The following SLC25A48 variants were observed in gnomAD, a reference collection of about 807,000 sequenced individuals.
The protein encoded by SLC25A48 is solute carrier family 25 member 48.
A neutral mutation model predicts 32.2 loss-of-function variants in SLC25A48; 29 were observed. That is an observed-to-expected ratio of 0.90 (90% CI 0.67 to 1.23). SLC25A48 has a LOEUF of 1.23. Ranked by LOEUF, SLC25A48 falls within the 50% of genes most tolerant of loss-of-function variation. SLC25A48 has a pLI of 0.00. For synonymous variants in SLC25A48, 164 were observed against 172.3 expected (o/e 0.95, Z 0.38); for missense variants, 399 against 422.7 (o/e 0.94, Z 0.49).
At chr5:135,835,123 TAA>T (rs1199647204) in intron 1 of SLC25A48, 1 of 704,462 alleles carries the variant, frequency 1.4e-6, no homozygotes, top group South Asian at 1.5e-5. Flanking sequence ...ATTTGCTCAT[TAA>T]GTTAGGATCC....
chr5:135,814,145 G>A (rs1757657701), intron 4 of SLC25A48, among the ~76,000 whole-genome samples: 1 of 152,158 alleles, frequency 6.6e-6, no homozygotes, highest in African/African-American at 2.4e-5. Context: ...ACTTCTCACT[G>A]AGCTGAGGGT....
chr5:135,689,280 G>A (rs1442687982), intron 3 of SLC25A48, among the ~76,000 whole-genome samples: 1 of 152,164 alleles, frequency 6.6e-6, no homozygotes, highest in African/African-American at 2.4e-5. Context: ...TACAGGCACA[G>A]GCACTCTCTT....
chr5:135,761,656 G>A (rs1294792103), intron 3 of SLC25A48, among the ~76,000 whole-genome samples: 3 of 152,118 alleles, frequency 2.0e-5, no homozygotes, highest in African/African-American at 2.4e-5. Context: ...GAGGCCTCTC[G>A]TCCATCACCA....
At chr5:135,844,856 G>A (rs535140369) in intron 2 of SLC25A48, among the ~76,000 whole-genome samples, 3 of 152,306 alleles carry the variant, frequency 2.0e-5, no homozygotes, top group African/African-American at 7.2e-5. Context: ...GGCATGCTCA[G>A]TCCCTGACCA....
intron 7 of SLC25A48, chr5:135,883,252 A>AG (rs1213092828): frequency 1.0e-6 from 1 of 985,336 alleles, no homozygotes; most frequent in African/African-American, 1.7e-5. Flanking sequence ...TCTGCCTTGG[A>AG]GGGATTCAAC....
intron 7 of SLC25A48, chr5:135,883,072 C>T: frequency 1.0e-6 from 1 of 985,444 alleles, no homozygotes; most frequent in Non-Finnish European, 1.2e-6. Flanking sequence ...GGTCTCATCC[C>T]ATTAACAGGT....
intron 4 of SLC25A48, among the ~76,000 whole-genome samples, chr5:135,853,215 C>T (rs1236992255): frequency 1.3e-5 from 2 of 152,146 alleles, no homozygotes; most frequent in Non-Finnish European, 2.9e-5. Flanking sequence ...AGGGTCTTGC[C>T]TCGATGTTGA....
intron 4 of SLC25A48, among the ~76,000 whole-genome samples, chr5:135,859,977 T>A (rs537845448): frequency 1.3e-5 from 2 of 152,224 alleles, no homozygotes; most frequent in African/African-American, 4.8e-5. Context: ...GAATTCAGGC[T>A]CCTCTCCTCC....
intron 3 of SLC25A48, among the ~76,000 whole-genome samples, chr5:135,774,839 TC>T (rs1316185033): frequency 1.3e-5 from 2 of 151,728 alleles, no homozygotes; most frequent in Non-Finnish European, 2.9e-5. Context: ...TGTGATATTG[TC>T]CCTAATATTG....
intron 1 of SLC25A48, among the ~76,000 whole-genome samples, chr5:135,611,051 C>T (rs1752052564): frequency 6.6e-6 from 1 of 152,154 alleles, no homozygotes; most frequent in South Asian, 2.1e-4. Flanking sequence ...TGTCTGGAAA[C>T]ATTACAGTAA....
At chr5:135,777,841 C>T (rs1008139129) in intron 3 of SLC25A48, among the ~76,000 whole-genome samples, 2 of 150,450 alleles carry the variant, frequency 1.3e-5, no homozygotes, top group Admixed American at 6.7e-5. Flanking sequence ...TACACCCACA[C>T]TGTGATATTG....
At chr5:135,633,494 C>T (rs908716893) in intron 2 of SLC25A48, among the ~76,000 whole-genome samples, 4 of 151,842 alleles carry the variant, frequency 2.6e-5, no homozygotes, top group South Asian at 2.1e-4. Flanking sequence ...GCCATGTGAG[C>T]GCACAGCAAG....
At chr5:135,609,418 A>G (rs150485478) in intron 1 of SLC25A48, 1 of 152,352 alleles carries the variant, frequency 6.6e-6, no homozygotes. Context: ...ACCGGCAAAT[A>G]AAATAGATCC....
At chr5:135,844,931 A>C (rs1474731542) in intron 2 of SLC25A48, among the ~76,000 whole-genome samples, 1 of 152,200 alleles carries the variant, frequency 6.6e-6, no homozygotes, top group Non-Finnish European at 1.5e-5. Context: ...TGTAAAACCC[A>C]GGCTGACTTA....
At chr5:135,694,025 T>G (rs1474041057) in intron 3 of SLC25A48, among the ~76,000 whole-genome samples, 2 of 152,148 alleles carry the variant, frequency 1.3e-5, no homozygotes, top group Admixed American at 6.5e-5. Context: ...GATGAGGGTG[T>G]GCCTGGTGAG....
At chr5:135,770,665 C>T (rs1038969180) in intron 3 of SLC25A48, among the ~76,000 whole-genome samples, 5 of 150,838 alleles carry the variant, frequency 3.3e-5, no homozygotes, top group Non-Finnish European at 5.9e-5. Flanking sequence ...CACCCCCTCG[C>T]GATATTGTTT....
intron 4 of SLC25A48, 129 bp downstream of exon 4, chr5:135,852,950 T>A (rs1437712749): frequency 2.4e-6 from 3 of 1,248,438 alleles, no homozygotes; most frequent in African/African-American, 3.0e-5. Context: ...TAGTAGTCCG[T>A]AATTACAGGC....
At chr5:135,851,367 A>T (rs746040369) in intron 3 of SLC25A48, among the ~76,000 whole-genome samples, 1 of 152,122 alleles carries the variant, frequency 6.6e-6, no homozygotes, top group Non-Finnish European at 1.5e-5. Flanking sequence ...ATGCTGTGGG[A>T]GTCCACAGTC....
intron 3 of SLC25A48, among the ~76,000 whole-genome samples, chr5:135,762,820 G>A (rs1218116606): frequency 7.4e-6 from 1 of 135,978 alleles, no homozygotes; most frequent in Non-Finnish European, 1.6e-5. Context: ...ATAAATGTGA[G>A]TGTGGATGTG....
Sources: allele counts gnomAD v4.1 joint callset (sites outside exome capture counted in the v4.1 genomes callset), GRCh38; gene constraint gnomAD v4.1.1; transcripts MANE v1.5; gene names NCBI Gene and HGNC (gene_info 2026-07-23, HGNC 2026-07-21).